IQGAP3: variants seen among roughly 807,000 people sequenced by gnomAD.
IQGAP3 encodes the protein ras GTPase-activating-like protein IQGAP3.
A neutral mutation model predicts 208.2 loss-of-function variants in IQGAP3; 165 were observed. The observed-to-expected ratio is 0.79, with a 90% CI of 0.70 to 0.90. The LOEUF is 0.90. Ranked by LOEUF, IQGAP3 falls within the 40% of genes least tolerant of loss-of-function variation. The pLI is 0.00. For missense variants in IQGAP3, 1,811 were observed against 2,043.1 expected (o/e 0.89, Z 2.19); for synonymous variants, 703 against 803.6 (o/e 0.87, Z 2.12).
At chr1:156,565,301 A>T (rs142184264) in intron 4 of IQGAP3, among the ~76,000 whole-genome samples, 52 of 152,294 alleles carry the variant, frequency 3.4e-4, no homozygotes, top group Admixed American at 2.2e-3. Flanking sequence ...TCTTGGTTAT[A>T]TTTAGATTCA....
At chr1:156,544,520 GC>G in intron 19 of IQGAP3, 48 bp from the exon 20 acceptor site, 2 of 1,498,424 alleles carry the variant, frequency 1.3e-6, no homozygotes, top group Non-Finnish European at 1.9e-6. Flanking sequence ...GTCTCCTTTG[GC>G]CAGAAAGGCT....
intron 19 of IQGAP3, among the ~76,000 whole-genome samples, chr1:156,544,695 A>T (rs1352921170): frequency 6.6e-6 from 1 of 152,142 alleles, no homozygotes; most frequent in Non-Finnish European, 1.5e-5. Context: ...CCCTGGTCCC[A>T]GAACAAACAC....
chr1:156,540,053 G>A (rs1027829602), intron 23 of IQGAP3, 63 bp from the exon 24 acceptor site: 3 of 1,585,808 alleles, frequency 1.9e-6, no homozygotes, highest in African/African-American at 1.3e-5. Context: ...CAGAACATAC[G>A]GTCTAGAATC....
chr1:156,530,369 C>A, intron 33 of IQGAP3, 52 bp from the exon 34 acceptor site: 1 of 1,510,364 alleles, frequency 6.6e-7, no homozygotes, highest in Non-Finnish European at 9.0e-7. Context: ...CATTCTGCTC[C>A]CACACCAGTG....
In IQGAP3 at chr1:156,556,597, G is replaced by C; in HGVS notation, c.1226C>G (p.Pro409Arg). ...ELMCPEAQLP[P>R]VYPVASSMYQ... ...CATAGACGATGCAACAGGGTACACT[G>C]GAGGCAGCTGGGCCTCAGGGCACAT... is the stretch of plus-strand genomic sequence containing the variant. Residue 409 changes from proline (P) to arginine (R), a missense_variant, in exon 12 of 38, where the codon CCA (proline) becomes CGA (arginine). Transcript: ENST00000361170. 6.2e-7 allele frequency: 1 copy of C among 1,613,360 alleles called. No homozygotes were observed. Among genetic ancestry groups the C allele is most frequent in the East Asian group, 2.2e-5 (1 of 44,852 alleles).
In IQGAP3 at chr1:156,533,015, A is replaced by T. The variant is rs2102361468; in HGVS notation, c.4068T>A (p.Asp1356Glu). The T allele has an allele frequency of 1.2e-6, 2 of 1,614,118 alleles. No homozygotes were observed. The highest frequency in any genetic ancestry group is 1.6e-4 in the Middle Eastern group (1 of 6,062). ...LTNKFEGLEA[D>E]ADDSNTRSLL... ...GGCTACGGGTGTTGGAGTCATCAGC[A>T]TCTGCCTCTAGTCCTTCAAACTTGT... Residue 1356 changes from aspartate to glutamate, a missense_variant, in exon 32 of 38, where the codon GAT becomes GAA. Transcript: ENST00000361170.
At chr1:156,546,798 C>A (rs1235570874) in intron 19 of IQGAP3, among the ~76,000 whole-genome samples, 1 of 152,178 alleles carries the variant, frequency 6.6e-6, no homozygotes, top group African/African-American at 2.4e-5. Context: ...CAATTACCCC[C>A]CAACACCCTC....
intron 1 of IQGAP3, among the ~76,000 whole-genome samples, chr1:156,570,950 C>T (rs551088667): frequency 2.6e-5 from 4 of 152,244 alleles, no homozygotes; most frequent in South Asian, 4.1e-4. Context: ...AATAAATAGG[C>T]GGAACACAGG....
chr1:156,532,086 CA>C (rs1272190882), intron 32 of IQGAP3, among the ~76,000 whole-genome samples: 1 of 152,062 alleles, frequency 6.6e-6, no homozygotes, highest in East Asian at 1.9e-4. Flanking sequence ...CCATCACACT[CA>C]ACAAGAATGC....
intron 26 of IQGAP3, 86 bp downstream of exon 26, chr1:156,538,723 C>A (rs1451583712): frequency 2.6e-6 from 3 of 1,150,636 alleles, no homozygotes; most frequent in Non-Finnish European, 3.9e-6. Flanking sequence ...TCAAAGTACA[C>A]CCAAGCTTCC....
chr1:156,556,468 T>G, intron 12 of IQGAP3, 65 bp downstream of exon 12: 1 of 1,551,390 alleles, frequency 6.4e-7, no homozygotes, highest in Non-Finnish European at 8.9e-7. Flanking sequence ...TGGCCTGGGC[T>G]GCCTGTCCTG....
intron 37 of IQGAP3, 47 bp from the exon 38 acceptor site, chr1:156,526,646 G>A (rs576780590): frequency 1.5e-6 from 2 of 1,302,276 alleles, no homozygotes; most frequent in Non-Finnish European, 1.1e-6. Flanking sequence ...TTCTGAATGT[G>A]GTCCAGTCAG....
chr1:156,535,289 C>A, intron 27 of IQGAP3, 42 bp from the exon 28 acceptor site: 1 of 1,375,232 alleles, frequency 7.3e-7, no homozygotes, highest in South Asian at 1.2e-5. Context: ...TGCCTCTGCC[C>A]ATCTCTCTCT....
In IQGAP3 at chr1:156,528,494, T is replaced by G; in HGVS notation, c.4673+15A>C. On this transcript the variant is annotated intron_variant, in intron 36 of 37. Transcript: ENST00000361170. Reference sequence around the variant, plus strand: ...ACAGGAAGGGGCTGACATCCTGCCCTCCAAAGACACATACTGAGAGGCGGG... The same window carrying G: ...ACAGGAAGGGGCTGACATCCTGCCCGCCAAAGACACATACTGAGAGGCGGG... 6.2e-7 allele frequency: 1 copy of G among 1,600,880 alleles called. No individual in the cohort carries two copies. Among genetic ancestry groups the G allele is most frequent in the Non-Finnish European group, 8.6e-7 (1 of 1,168,652 alleles).
chr1:156,563,176 C>A lies in IQGAP3; in HGVS notation c.756G>T (p.Leu252=), dbSNP rs767570343. ...EPLAAVYQEM[L]AQAKMEKAAN... ...CTGCCTTCTCCATCTTGGCCTGGGC[C>A]AGCATCTCTTGGTAGACGGCTGCCA... Residue 252 remains leucine, a synonymous_variant, in exon 8 of 38, where the codon CTG becomes CTT. Coordinates refer to ENST00000361170, the MANE Select transcript of IQGAP3 (RefSeq NM_178229.5). The A allele has an allele frequency of 5.0e-6, 8 of 1,611,350 alleles. No homozygotes were observed. The highest frequency in any genetic ancestry group is 6.8e-6 in the Non-Finnish European group (8 of 1,177,926).
chr1:156,564,828 G>A (rs1464727433), intron 4 of IQGAP3, 137 bp from the exon 5 acceptor site: 2 of 672,292 alleles, frequency 3.0e-6, no homozygotes, highest in East Asian at 2.7e-5. Context: ...GTCTAGGTCA[G>A]TCTCCCCCAA....
rs773681273 is a variant in IQGAP3 at position 156,534,654 on chromosome 1, G to A, written c.3587C>T (p.Ala1196Val). ...GGGGGCAGCCAGGGCTCCACCAGCT[G>A]CCATGGCCACAATGTCGAAGGCGTC... ...APDAFDIVAM[A>V]AGGALAAPQR... Residue 1196 changes from alanine (A) to valine (V), a missense_variant, in exon 29 of 38, where the codon GCA becomes GTA. Transcript: ENST00000361170. 2.5e-6 allele frequency: 4 copies of A among 1,611,998 alleles called. No individual in the cohort carries two copies. In the South Asian group the frequency reaches 3.3e-5, roughly 13 times the overall value.
At chr1:156,566,138 C>T in intron 3 of IQGAP3, 34 bp from the exon 4 acceptor site, 1 of 1,563,680 alleles carries the variant, frequency 6.4e-7, no homozygotes, top group Non-Finnish European at 8.8e-7. Context: ...TCTATTTCCA[C>T]AGTTCTCAGC....
chr1:156,547,961 C>G, intron 19 of IQGAP3, 112 bp downstream of exon 19: 3 of 961,950 alleles, frequency 3.1e-6, no homozygotes, highest in Non-Finnish European at 4.6e-6. Context: ...TTAACCACTA[C>G]TATTCAGAGG....
Sources: allele counts gnomAD v4.1 joint callset (sites outside exome capture counted in the v4.1 genomes callset), GRCh38; gene constraint gnomAD v4.1.1; transcripts MANE v1.5; gene names NCBI Gene and HGNC (gene_info 2026-07-23, HGNC 2026-07-21).